RAB5C: variants seen among roughly 807,000 people sequenced by gnomAD.
RAB5C encodes ras-related protein Rab-5C.
A neutral mutation model predicts 25.2 loss-of-function variants in RAB5C; 4 were observed. The ratio of observed to expected loss-of-function variants is 0.16; its 90% CI spans 0.08 to 0.36. The LOEUF (loss-of-function observed/expected upper bound fraction) is 0.36, where lower values mean the gene tolerates loss of function less well. RAB5C is among the 10% of genes least tolerant of loss of function. The pLI, the probability that RAB5C is intolerant of heterozygous loss-of-function variation, is 1.00. For missense variants in RAB5C, 199 were observed against 283.8 expected (o/e 0.70, Z 2.15); for synonymous variants, 100 against 106.4 (o/e 0.94, Z 0.37).
chr17:42,137,967 CAAAT>C (rs2054554750), intron 1 of RAB5C: 1 of 151,716 alleles, frequency 6.6e-6, no homozygotes, highest in Non-Finnish European at 1.5e-5. Context: ...ATGTTAAACA[CAAAT>C]AAGGTGCAAG....
chr17:42,131,435 A>AACAC (rs146594244), intron 1 of RAB5C, among the ~76,000 whole-genome samples: 57 of 148,594 alleles, frequency 3.8e-4, no homozygotes, highest in Middle Eastern at 3.4e-3. Flanking sequence ...TACACACTGA[A>AACAC]ACACACACAC....
At chr17:42,134,606 A>G (rs2054517836) in intron 1 of RAB5C, among the ~76,000 whole-genome samples, 2 of 152,200 alleles carry the variant, frequency 1.3e-5, no homozygotes, top group Admixed American at 6.5e-5. Context: ...TTTCACAAGT[A>G]CAATGGCCGT....
Position 42,125,808 on chromosome 17 carries a change from C to T in RAB5C, c.626G>A (p.Ser209Asn). 1 of 1,608,486 alleles carries T rather than the reference C, an allele frequency of 6.2e-7. No homozygotes were observed. Among genetic ancestry groups the T allele is most frequent in the Non-Finnish European group, 8.5e-7 (1 of 1,177,822 alleles). ...TCAGTTGCTGCAGCACTGGCTCCGG[C>T]TGGCTGGGTTGTTCTCCTGGAGGTC... Reference protein sequence around the residue: ...GVDLQENNPASRSQCCSN With the variant: ...GVDLQENNPANRSQCCSN The change falls in exon 6 of 6, where the codon AGC (serine) becomes AAC (asparagine). Residue 209 changes from serine (S) to asparagine (N), a missense_variant. By Grantham distance (46) the Ser-to-Asn change is conservative. This residue lies in a region of RAB5C where 154 missense variants were observed against 199.6 expected (regional missense o/e 0.77). Transcript: ENST00000346213.
At chr17:42,131,475 C>A in intron 1 of RAB5C, 1 of 845,910 alleles carries the variant, frequency 1.2e-6, no homozygotes, top group South Asian at 1.6e-5. Flanking sequence ...CCAACACACA[C>A]ACAGAAATAC....
At chr17:42,133,428 T>C (rs2054506002) in intron 1 of RAB5C, among the ~76,000 whole-genome samples, 1 of 152,098 alleles carries the variant, frequency 6.6e-6, no homozygotes, top group Non-Finnish European at 1.5e-5. Context: ...ACCACAGGGT[T>C]AGAGGAACAG....
intron 1 of RAB5C, among the ~76,000 whole-genome samples, chr17:42,145,282 G>C (rs2079629120): frequency 6.6e-6 from 1 of 152,190 alleles, no homozygotes; most frequent in South Asian, 2.1e-4. Context: ...GCTACACAGT[G>C]ACTTTCTTCC....
intron 1 of RAB5C, among the ~76,000 whole-genome samples, chr17:42,141,889 C>T (rs1049474035): frequency 3.9e-5 from 6 of 152,166 alleles, no homozygotes; most frequent in African/African-American, 9.6e-5. Context: ...GTGAAGGAGC[C>T]GGACTCCTCA....
intron 1 of RAB5C, among the ~76,000 whole-genome samples, chr17:42,152,123 CAA>C (rs758139522): frequency 2.9e-5 from 4 of 139,942 alleles, no homozygotes; most frequent in Admixed American, 7.1e-5. Flanking sequence ...TTATCTTACT[CAA>C]AAAAAAAAAA....
rs1224900725 is a variant in RAB5C, at chr17:42,148,535, T to C, written c.-89+6358A>G. On this transcript the variant is annotated intron_variant, in intron 1 of 5. Transcript: ENST00000346213. Reference sequence around the variant, plus strand: ...CTATGCTGAGTGCCATGCCAGGTCCTAAACACACAAAGATCAAACAGGACC... The same window carrying C: ...CTATGCTGAGTGCCATGCCAGGTCCCAAACACACAAAGATCAAACAGGACC... Among the ~76,000 whole-genome samples, 3 of 151,774 alleles carry C rather than the reference T, an allele frequency of 2.0e-5. No individual in the cohort carries two copies. In the South Asian group the frequency reaches 6.2e-4, roughly 32 times the overall value.
chr17:42,141,438 G>A (rs960808703), intron 1 of RAB5C, among the ~76,000 whole-genome samples: 2 of 152,228 alleles, frequency 1.3e-5, no homozygotes, highest in African/African-American at 2.4e-5. Flanking sequence ...CATAGTAGGT[G>A]AGCACAGATA....
chr17:42,128,748 C>A lies in RAB5C; in HGVS notation c.219G>T (p.Glu73Asp). Reference protein sequence around the residue: ...VCLDDTTVKFEIWDTAGQERY... With the variant: ...VCLDDTTVKFDIWDTAGQERY... ...GCTCCTGTCCAGCTGTGTCCCAGAT[C>A]TCAAACTTGACTGTTGTGTCATCCA... The change falls in exon 3 of 6, where the codon GAG (glutamate) becomes GAT (aspartate). Residue 73 changes from glutamate to aspartate, a missense_variant. Transcript: ENST00000346213. The A allele has an allele frequency of 6.3e-7, 1 of 1,585,852 alleles. No homozygotes were observed. Among genetic ancestry groups the A allele is most frequent in the Non-Finnish European group, 8.6e-7 (1 of 1,166,586 alleles).
At chr17:42,131,888 T>C (rs1279151248) in intron 1 of RAB5C, 7 of 366,954 alleles carry the variant, frequency 1.9e-5, no homozygotes, top group East Asian at 5.4e-5. Context: ...TCAGAATATA[T>C]ACAGAATGTT....
chr17:42,130,169 T>C (rs1232192157), intron 2 of RAB5C, 168 bp downstream of exon 2: 1 of 893,940 alleles, frequency 1.1e-6, no homozygotes. Context: ...GACTCTGGCA[T>C]GGAGACCAGT....
At chr17:42,126,957 A>G (rs908541734) in intron 4 of RAB5C, 109 bp from the exon 5 acceptor site, 2 of 656,010 alleles carry the variant, frequency 3.0e-6, no homozygotes, top group East Asian at 2.7e-5. Context: ...CATAATAGAG[A>G]TCAGCTGGAC....
chr17:42,131,314 CAA>C (rs1271129043), intron 1 of RAB5C, among the ~76,000 whole-genome samples: 1 of 152,052 alleles, frequency 6.6e-6, no homozygotes, highest in African/African-American at 2.4e-5. Flanking sequence ...TTTGATGGGC[CAA>C]AGTCTCGCAC....
At chr17:42,128,537 C>T in intron 3 of RAB5C, 112 bp downstream of exon 3, 5 of 430,338 alleles carry the variant, frequency 1.2e-5, no homozygotes, top group Admixed American at 3.6e-5. Flanking sequence ...ATCTGCCCAC[C>T]CCCCACCCAG....
intron 1 of RAB5C, among the ~76,000 whole-genome samples, chr17:42,141,480 G>A (rs1166979918): frequency 6.6e-6 from 1 of 152,186 alleles, no homozygotes; most frequent in Non-Finnish European, 1.5e-5. Context: ...GGTACCGCCC[G>A]CTTACACTTG....
chr17:42,150,961 G>A (rs2079667033), intron 1 of RAB5C, among the ~76,000 whole-genome samples: 1 of 152,268 alleles, frequency 6.6e-6, no homozygotes, highest in Non-Finnish European at 1.5e-5. Context: ...TTCTAATTCT[G>A]CAAGGTATTT....
intron 1 of RAB5C, among the ~76,000 whole-genome samples, chr17:42,154,183 T>G (rs1416177387): frequency 6.6e-6 from 1 of 152,084 alleles, no homozygotes; most frequent in African/African-American, 2.4e-5. Context: ...TCCACCCTGA[T>G]CTGTGATCTG....
Sources: gnomAD v4.1 joint callset for allele counts (sites outside exome capture counted in the v4.1 genomes callset) on GRCh38, gnomAD v4.1.1 for gene constraint, gnomAD v4.1.1 regional missense constraint, MANE v1.5 for transcripts, NCBI Gene and HGNC (gene_info 2026-07-23, HGNC 2026-07-21) for gene names.